Variants in SOX6 observed in about 807,000 individuals in gnomAD.
SOX6 encodes transcription factor SOX-6.
SOX6 carries 11 observed loss-of-function variants against 97.8 expected under a neutral mutation model. The ratio of observed to expected loss-of-function variants is 0.11; its 90% CI spans 0.07 to 0.19. SOX6 has a LOEUF of 0.19. Among genes scored for constraint, SOX6 ranks in the 10% least tolerant of loss-of-function variants. SOX6 has a pLI of 1.00. For synonymous variants in SOX6, 360 were observed against 371.4 expected (o/e 0.97, Z 0.35); for missense variants, 810 against 1,039.5 (o/e 0.78, Z 3.04).
At chr11:16,510,020 A>C (rs1056210646) in intron 4 of SOX6, among the ~76,000 whole-genome samples, 2 of 152,072 alleles carry the variant, frequency 1.3e-5, no homozygotes, top group African/African-American at 4.8e-5. Context: ...CTGTCTTTTA[A>C]GATAATTCAA....
chr11:16,046,707 T>C lies in SOX6; in HGVS notation c.1436-6A>G, dbSNP rs771684271. ...GTTGAGACTAGATAGGATATCTGCA[T>C]ACACAGGATGCATTATTAGATGCTT... On this transcript the variant is annotated splice_polypyrimidine_tract_variant and splice_region_variant and intron_variant, in intron 11 of 15. Coordinates refer to ENST00000683767, the MANE Select transcript of SOX6 (RefSeq NM_001367873.1). 1 of 1,612,728 alleles carries C rather than the reference T, an allele frequency of 6.2e-7. No homozygotes were observed. Among genetic ancestry groups the C allele is most frequent in the Admixed American group, 1.7e-5 (1 of 59,946 alleles).
chr11:16,314,854 C>CT (rs1261362013), intron 3 of SOX6: 3 of 152,122 alleles, frequency 2.0e-5, no homozygotes, highest in Admixed American at 6.6e-5. Flanking sequence ...GTTAGGCCCT[C>CT]TATAAGATCT....
intron 6 of SOX6, among the ~76,000 whole-genome samples, chr11:16,116,020 A>T (rs991679281): frequency 6.6e-6 from 1 of 152,034 alleles, no homozygotes; most frequent in Non-Finnish European, 1.5e-5. Context: ...AAATTGACTT[A>T]AACTTATTTT....
At chr11:16,674,189 C>CAAAAG (rs1303883701) in intron 3 of SOX6, among the ~76,000 whole-genome samples, 1 of 76,326 alleles carries the variant, frequency 1.3e-5, no homozygotes. Context: ...GACTCCATCT[C>CAAAAG]AAAAAAAAAA....
intron 10 of SOX6, 56 bp from the exon 11 acceptor site, chr11:16,049,994 T>C: frequency 1.3e-6 from 2 of 1,580,880 alleles, no homozygotes; most frequent in Non-Finnish European, 1.7e-6. Flanking sequence ...AAGCACATTA[T>C]CACTTAGTAA....
At chr11:16,585,554 T>C (rs1848081770) in intron 4 of SOX6, among the ~76,000 whole-genome samples, 1 of 152,004 alleles carries the variant, frequency 6.6e-6, no homozygotes, top group African/African-American at 2.4e-5. Context: ...GAAATAAAAT[T>C]AGAGTCAGTA....
At chr11:16,527,241 T>C (rs1413121506) in intron 4 of SOX6, among the ~76,000 whole-genome samples, 1 of 152,124 alleles carries the variant, frequency 6.6e-6, no homozygotes, top group Admixed American at 6.6e-5. Flanking sequence ...CATTTTAGAA[T>C]CCTGGAAACT....
chr11:16,729,032 A>AT (rs906696306), intron 2 of SOX6, among the ~76,000 whole-genome samples: 2 of 152,208 alleles, frequency 1.3e-5, no homozygotes, highest in Non-Finnish European at 2.9e-5. Context: ...GATTAGAGAA[A>AT]TAAGAATGAA....
Position 16,511,673 on chromosome 11 carries a change from A to G in SOX6, n.610-35285T>C, listed in dbSNP as rs946998813. On this transcript the variant is annotated intron_variant and non_coding_transcript_variant, in intron 4 of 5. Transcript: ENST00000524520. ...GTGGTGAATCAGAGCAAGGTGACTC[A>G]GTCAAACTAATGACAAGAAACTTAA... Among the ~76,000 whole-genome samples, 6 of 152,286 alleles carry G rather than the reference A, an allele frequency of 3.9e-5. No individual in the cohort carries two copies. In the East Asian group the frequency reaches 1.2e-3, roughly 29 times the overall value.
chr11:16,537,112 G>A (rs1346128375), intron 4 of SOX6, among the ~76,000 whole-genome samples: 1 of 152,116 alleles, frequency 6.6e-6, no homozygotes, highest in East Asian at 1.9e-4. Context: ...CAGAGGAAGG[G>A]TCAGGCAGCA....
chr11:15,999,813 T>G (rs1197274140), intron 13 of SOX6, among the ~76,000 whole-genome samples: 2 of 152,176 alleles, frequency 1.3e-5, no homozygotes, highest in Admixed American at 1.3e-4. Context: ...CTACTTCATT[T>G]TATTAATAGA....
intron 4 of SOX6, among the ~76,000 whole-genome samples, chr11:16,572,150 TC>T (rs138810647): frequency 0.11 from 14,873 of 132,454 alleles, 841 homozygotes; most frequent in Non-Finnish European, 0.14. Context: ...TTGCTTATAA[TC>T]AAAAAAAAAT....
chr11:16,170,443 C>T (rs953239638), intron 6 of SOX6, among the ~76,000 whole-genome samples: 1 of 151,460 alleles, frequency 6.6e-6, no homozygotes, highest in Non-Finnish European at 1.5e-5. Flanking sequence ...TGAGAATGTC[C>T]CCAGTCGGCA....
intron 7 of SOX6, 93 bp downstream of exon 7, chr11:16,111,710 T>G (rs922436953): frequency 2.0e-6 from 3 of 1,487,688 alleles, no homozygotes; most frequent in Non-Finnish European, 2.8e-6. Context: ...TATTCATAGT[T>G]CCCTGGCATG....
chr11:16,074,584 C>G (rs1297991587), intron 9 of SOX6, among the ~76,000 whole-genome samples: 1 of 151,960 alleles, frequency 6.6e-6, no homozygotes, highest in Non-Finnish European at 1.5e-5. Context: ...AACTGAGAGC[C>G]AAATCAAAAA....
intron 6 of SOX6, among the ~76,000 whole-genome samples, chr11:16,168,995 C>G (rs145184014): frequency 0.023 from 3,441 of 152,174 alleles, 66 homozygotes; most frequent in Middle Eastern, 0.068. Context: ...GATACTGTTG[C>G]GTGTCTGACT....
intron 4 of SOX6, among the ~76,000 whole-genome samples, chr11:16,203,731 A>G (rs1001003775): frequency 6.6e-6 from 1 of 152,126 alleles, no homozygotes; most frequent in Non-Finnish European, 1.5e-5. Flanking sequence ...ACTTAGAGTC[A>G]AGAAGAATTC....
In SOX6 at chr11:16,234,497, C is replaced by T. The variant is rs536192558; in HGVS notation, c.535+85G>A. 8.2e-5 allele frequency: 63 copies of T among 766,882 alleles called. No individual in the cohort carries two copies. The East Asian group carries it at 1.8e-3, about 21-fold the overall frequency. 47.5% of individuals were successfully genotyped at this position (766,882 alleles called of 1,614,324 possible). On this transcript the variant is annotated intron_variant, in intron 4 of 15. Coordinates refer to ENST00000683767, the MANE Select transcript of SOX6 (RefSeq NM_001367873.1). The stretch of plus-strand genomic sequence containing the variant: ...ATGTTACATGTAAGATTTACTGTTA[C>T]AGTACAGAAGATCAGCAAATACATT...
intron 3 of SOX6, among the ~76,000 whole-genome samples, chr11:16,282,032 G>A (rs1402934730): frequency 2.1e-5 from 3 of 146,156 alleles, no homozygotes; most frequent in Non-Finnish European, 3.0e-5. Context: ...TACTAAAAAG[G>A]ACAATACAGA....
Sources: gnomAD v4.1 joint callset for allele counts (sites outside exome capture counted in the v4.1 genomes callset) on GRCh38, gnomAD v4.1.1 for gene constraint, MANE v1.5 for transcripts, NCBI Gene and HGNC (gene_info 2026-07-23, HGNC 2026-07-21) for gene names.